The following CEP85L variants were observed in gnomAD, a reference collection of about 807,000 sequenced individuals.
CEP85L encodes centrosomal protein 85L, also known as centrosomal protein of 85 kDa-like.
In CEP85L, 60 loss-of-function variants were observed where a neutral mutation model predicts 100.3. That is an observed-to-expected ratio of 0.60 (90% CI 0.49 to 0.74). CEP85L has a LOEUF of 0.74. CEP85L is among the 30% of genes least tolerant of loss of function. The pLI is 0.00. For missense variants in CEP85L, 973 were observed against 936.2 expected (o/e 1.04, Z -0.51); for synonymous variants, 319 against 322.7 (o/e 0.99, Z 0.12).
At chr6:118,527,276 A>AC (rs1777031415) in intron 3 of CEP85L, among the ~76,000 whole-genome samples, 2 of 151,992 alleles carry the variant, frequency 1.3e-5, no homozygotes, top group African/African-American at 4.8e-5. Flanking sequence ...AAGTGCTGGG[A>AC]TTACAGGCAT....
chr6:118,600,300 G>GTGTGT (rs1554228039), intron 2 of CEP85L, among the ~76,000 whole-genome samples: 535 of 52,228 alleles, frequency 0.01, 108 homozygotes, highest in Non-Finnish European at 0.012. Flanking sequence ...CCTTCCTGGG[G>GTGTGT]GTGTGTGTGT....
intron 3 of CEP85L, among the ~76,000 whole-genome samples, chr6:118,528,208 T>C (rs1209316303): frequency 1.4e-5 from 2 of 145,996 alleles, no homozygotes; most frequent in African/African-American, 5.1e-5. Context: ...GCTTTTCTTT[T>C]CTTTTTCTTT....
At chr6:118,560,324 A>C (rs1473663884) in intron 3 of CEP85L, 1 of 167,072 alleles carries the variant, frequency 6.0e-6, no homozygotes, top group Non-Finnish European at 1.5e-5. Context: ...TGTATTATAC[A>C]CTATATTCCT....
At chr6:118,705,970 T>C (rs1177009048) in intron 1 of CEP85L, among the ~76,000 whole-genome samples, 1 of 152,208 alleles carries the variant, frequency 6.6e-6, no homozygotes, top group East Asian at 1.9e-4. Flanking sequence ...GCCCCCACAT[T>C]GTTGCTCTCA....
intron 10 of CEP85L, among the ~76,000 whole-genome samples, chr6:118,472,667 C>T (rs889386668): frequency 6.6e-6 from 1 of 152,126 alleles, no homozygotes; most frequent in African/African-American, 2.4e-5. Context: ...ACTGGTAGTA[C>T]TTTACAATGC....
At chr6:118,576,776 C>A (rs1183029566) in intron 2 of CEP85L, among the ~76,000 whole-genome samples, 1 of 152,192 alleles carries the variant, frequency 6.6e-6, no homozygotes, top group Non-Finnish European at 1.5e-5. Flanking sequence ...TCAATCTAAT[C>A]ATTGCAATCC....
Position 118,557,274 on chromosome 6 carries a change from T to A in CEP85L, c.1020+8255A>T, listed in dbSNP as rs76536762. Reference sequence around the variant, plus strand: ...ATTTGTTGTATGCATTTCCTTTTTATGAGATTGGCTCTGGAGCTATTAATA... The same window carrying A: ...ATTTGTTGTATGCATTTCCTTTTTAAGAGATTGGCTCTGGAGCTATTAATA... On this transcript the variant is annotated intron_variant, in intron 3 of 12. Coordinates refer to ENST00000368491, the MANE Select transcript of CEP85L (RefSeq NM_001042475.3). Among the ~76,000 whole-genome samples the A allele has an allele frequency of 9.9e-3, 1,505 of 152,210 alleles. 36 individuals are homozygous for A. The highest frequency in any genetic ancestry group is 0.034 in the African/African-American group (1,393 of 41,566).
intron 3 of CEP85L, among the ~76,000 whole-genome samples, chr6:118,545,648 T>TA (rs1778158018): frequency 6.6e-6 from 1 of 152,058 alleles, no homozygotes; most frequent in African/African-American, 2.4e-5. Context: ...CAAAACTATA[T>TA]AAAAACAAAA....
chr6:118,661,384 A>G (rs1003515194), intron 1 of CEP85L, among the ~76,000 whole-genome samples: 22 of 152,200 alleles, frequency 1.4e-4, no homozygotes, highest in African/African-American at 5.3e-4. Flanking sequence ...GCCTTGAAAA[A>G]CCAACTTAAA....
intron 11 of CEP85L, among the ~76,000 whole-genome samples, chr6:118,470,143 C>A (rs922293470): frequency 6.6e-5 from 10 of 151,882 alleles, no homozygotes; most frequent in Non-Finnish European, 1.5e-4. Flanking sequence ...AAAGAAAAAA[C>A]CAACAACTCT....
upstream of CEP85L, chr6:118,652,622 A>G (rs1775631756): frequency 5.3e-6 from 8 of 1,523,488 alleles, no homozygotes; most frequent in South Asian, 4.9e-5. Flanking sequence ...TTTTTCCCTT[A>G]AAGACATTTT....
chr6:118,627,829 T>C (rs1027555855), intron 2 of CEP85L, among the ~76,000 whole-genome samples: 4 of 152,214 alleles, frequency 2.6e-5, no homozygotes, highest in African/African-American at 9.6e-5. Flanking sequence ...GCCTAAACTC[T>C]TTGTAGTTTT....
In CEP85L at chr6:118,569,341, C is replaced by CAAAAAAA. The variant is rs56123225; in HGVS notation, c.233-3032_233-3026dup. On this transcript the variant is annotated intron_variant, in intron 2 of 12. Coordinates refer to ENST00000368491, the MANE Select transcript of CEP85L (RefSeq NM_001042475.3). Reference sequence around the variant, plus strand: ...TGGGTGACAAGGCTAGACTCTGTCTCAAAAAAAAAAAAAAAAAAAAAAAAA... The same window carrying CAAAAAAA: ...TGGGTGACAAGGCTAGACTCTGTCTCAAAAAAAAAAAAAAAAAAAAAAAAAAAAAAAA... Among the ~76,000 whole-genome samples, 39 of 68,208 alleles carry CAAAAAAA rather than the reference C, an allele frequency of 5.7e-4. 1 individual carries two copies. Among genetic ancestry groups the CAAAAAAA allele is most frequent in the African/African-American group, 1.9e-3 (28 of 14,926 alleles). The allele number at this position is 68,208 out of a possible 152,430, so 44.7% of individuals were successfully genotyped here.
intron 1 of CEP85L, among the ~76,000 whole-genome samples, chr6:118,648,841 G>C (rs6569025): frequency 1 from 152,262 of 152,262 alleles, 76,131 homozygotes; most frequent in Non-Finnish European, 1. Flanking sequence ...TTTCAGGACA[G>C]CTTGAATTAA....
At chr6:118,545,755 C>T (rs945133155) in intron 3 of CEP85L, among the ~76,000 whole-genome samples, 2 of 152,100 alleles carry the variant, frequency 1.3e-5, no homozygotes, top group African/African-American at 4.8e-5. Context: ...CATCCAAGTT[C>T]AAAGACACTT....
intron 1 of CEP85L, among the ~76,000 whole-genome samples, chr6:118,662,423 G>A (rs570096583): frequency 2.6e-5 from 4 of 152,012 alleles, no homozygotes; most frequent in South Asian, 2.1e-4. Context: ...CCAGATACTC[G>A]GGAGGCTGAG....
At chr6:118,563,560 G>C (rs981862209) in intron 3 of CEP85L, among the ~76,000 whole-genome samples, 1 of 152,066 alleles carries the variant, frequency 6.6e-6, no homozygotes, top group Admixed American at 6.5e-5. Flanking sequence ...TCCTTATTAA[G>C]GTTCTTCTCT....
At chr6:118,674,983 T>A (rs535525529) in intron 1 of CEP85L, among the ~76,000 whole-genome samples, 3 of 152,328 alleles carry the variant, frequency 2.0e-5, no homozygotes, top group African/African-American at 7.2e-5. Context: ...AGAAATAACA[T>A]GTTTACACAA....
At chr6:118,614,043 C>T (rs9489467) in intron 2 of CEP85L, among the ~76,000 whole-genome samples, 24,755 of 152,080 alleles carry the variant, frequency 0.16, 2,150 homozygotes, top group Non-Finnish European at 0.19. Context: ...CCAAGTGGCG[C>T]TTATTCCAGG....
Sources: allele counts gnomAD v4.1 joint callset (sites outside exome capture counted in the v4.1 genomes callset), GRCh38; gene constraint gnomAD v4.1.1; transcripts MANE v1.5; gene names NCBI Gene and HGNC (gene_info 2026-07-23, HGNC 2026-07-21).